The following C8orf34 variants were observed in gnomAD, a reference collection of about 807,000 sequenced individuals.
C8orf34 encodes chromosome 8 open reading frame 34, also known as uncharacterized protein C8orf34.
In C8orf34, 65 loss-of-function variants were observed where a neutral mutation model predicts 68.3. The ratio of observed to expected loss-of-function variants is 0.95; its 90% confidence interval spans 0.78 to 1.17. C8orf34 has a LOEUF of 1.17. Ranked by LOEUF, C8orf34 falls within the 50% of genes most tolerant of loss-of-function variation. The pLI is 0.00. For synonymous variants in C8orf34, 244 were observed against 241.2 expected, an observed-to-expected ratio of 1.01 and a Z score of -0.11; for missense variants, 664 against 655.4, an observed-to-expected ratio of 1.01 and a Z score of -0.14.
At chr8:68,551,616 G>T (rs558685956) in intron 7 of C8orf34, among the ~76,000 whole-genome samples, 2 of 152,040 alleles carry the variant, frequency 1.3e-5, no homozygotes, top group Non-Finnish European at 2.9e-5. Flanking sequence ...TTCCTGATAG[G>T]CAGACATGAT....
chr8:68,709,093 C>T lies in C8orf34; in HGVS notation c.1327+14C>T. ...CAGATTCATTCGGTAAGTTTTAAGT[C>T]CAACAATATTTATTGCAGTTCTAGT... On this transcript the variant is annotated intron_variant, in intron 9 of 13. Transcript: ENST00000518698. The T allele has an allele frequency of 2.5e-6, 4 of 1,590,146 alleles. No homozygotes were observed. The highest frequency in any genetic ancestry group is 2.6e-6 in the Non-Finnish European group (3 of 1,159,746).
At chr8:68,397,928 C>T (rs1325372697) in intron 1 of C8orf34, among the ~76,000 whole-genome samples, 1 of 151,860 alleles carries the variant, frequency 6.6e-6, no homozygotes, top group African/African-American at 2.4e-5. Flanking sequence ...ACCAACACAC[C>T]CAGCCAATTT....
At chr8:68,751,930 A>G (rs1822720381) in intron 10 of C8orf34, among the ~76,000 whole-genome samples, 1 of 151,950 alleles carries the variant, frequency 6.6e-6, no homozygotes. Context: ...AAGTTCATCT[A>G]TATATACATA....
chr8:68,818,813 G>A lies in C8orf34; in HGVS notation c.*567G>A, dbSNP rs1403072098. ...TTATTTTCTCTATTCCTATTAAAAT[G>A]AATAATTGATATGTTAATTAAGTAA... On this transcript the variant is annotated 3_prime_UTR_variant, in exon 14 of 14. Transcript: ENST00000518698. 2 of 152,024 alleles carry A rather than the reference G, an allele frequency of 1.3e-5. No homozygotes were observed. Among genetic ancestry groups the A allele is most frequent in the African/African-American group, 4.8e-5 (2 of 41,372 alleles). 9.4% of individuals were successfully genotyped at this position (152,024 alleles called of 1,614,324 possible).
chr8:68,364,943 C>A (rs1049090673), intron 1 of C8orf34, among the ~76,000 whole-genome samples: 1 of 151,154 alleles, frequency 6.6e-6, no homozygotes, highest in African/African-American at 2.4e-5. Context: ...TTCAAAAAAT[C>A]AATGAATCCA....
intron 7 of C8orf34, among the ~76,000 whole-genome samples, chr8:68,594,429 T>A (rs6981539): frequency 0.13 from 20,085 of 152,034 alleles, 1,787 homozygotes; most frequent in African/African-American, 0.25. Context: ...GTCTTTTATC[T>A]AAAAAATATG....
chr8:68,511,261 T>C (rs1814262822), intron 5 of C8orf34, among the ~76,000 whole-genome samples: 1 of 152,174 alleles, frequency 6.6e-6, no homozygotes, highest in Non-Finnish European at 1.5e-5. Context: ...GATGGAGCAA[T>C]GGTGAGAGCA....
intron 5 of C8orf34, among the ~76,000 whole-genome samples, chr8:68,498,283 G>A (rs1348321058): frequency 4.6e-5 from 7 of 152,228 alleles, no homozygotes; most frequent in Non-Finnish European, 1.0e-4. Context: ...GAAAGGTAAA[G>A]AGAGGAGAAG....
At position 68,544,406 on chromosome 8, in the gene C8orf34, G is replaced by A. The variant is rs1053079563; in HGVS notation, c.1105+11257G>A. 2.0e-5 allele frequency among the ~76,000 whole-genome samples: 3 copies of A among 152,262 alleles called. No individual in the cohort carries two copies. In the East Asian group the frequency reaches 5.8e-4, roughly 29 times the overall value. On this transcript the variant is annotated intron_variant, in intron 7 of 13. Coordinates refer to ENST00000518698, the MANE Select transcript of C8orf34 (RefSeq NM_052958.4). ...ACAGCCATGCCTAAGAATGAGGAAA[G>A]CGTTTAAATAGACCCAACTAAACCC...
At chr8:68,474,521 T>C (rs1812517938) in intron 4 of C8orf34, among the ~76,000 whole-genome samples, 1 of 152,266 alleles carries the variant, frequency 6.6e-6, no homozygotes, top group African/African-American at 2.4e-5. Flanking sequence ...TCCTGCCCTG[T>C]GTTAGAAAAA....
chr8:68,330,897 C>G, upstream of C8orf34: 1 of 885,410 alleles, frequency 1.1e-6, no homozygotes. Context: ...GCCTCCCGCC[C>G]CCTGATTCCT....
At chr8:68,395,896 C>T (rs913997601) in intron 1 of C8orf34, among the ~76,000 whole-genome samples, 3 of 151,948 alleles carry the variant, frequency 2.0e-5, no homozygotes, top group Non-Finnish European at 4.4e-5. Flanking sequence ...ACCTATAGAA[C>T]CTGAAGGCAG....
intron 8 of C8orf34, among the ~76,000 whole-genome samples, chr8:68,677,180 T>C (rs893671717): frequency 6.6e-6 from 1 of 151,966 alleles, no homozygotes; most frequent in Non-Finnish European, 1.5e-5. Context: ...GACTGACCAG[T>C]GGGTCAATAA....
Position 68,764,671 on chromosome 8 carries a change from A to T in C8orf34, c.1405-11728A>T, listed in dbSNP as rs185994363. 2.6e-3 allele frequency among the ~76,000 whole-genome samples: 396 copies of T among 152,250 alleles called. 1 individual carries two copies. Among genetic ancestry groups the T allele is most frequent in the African/African-American group, 8.3e-3 (345 of 41,546 alleles). ...AATGCCAAAGGTTGAGGGGAAGGAG[A>T]CAAAGAGACAGAAGAGACACTGCCT... On this transcript the variant is annotated intron_variant, in intron 10 of 13. Transcript: ENST00000518698.
At chr8:68,771,699 T>C (rs67603164) in intron 10 of C8orf34, among the ~76,000 whole-genome samples, 44,315 of 151,766 alleles carry the variant, frequency 0.29, 6,868 homozygotes, top group African/African-American at 0.38. Context: ...GCACTATTCT[T>C]TCCACTTCGT....
At chr8:68,383,961 C>T (rs1808149784) in intron 1 of C8orf34, among the ~76,000 whole-genome samples, 1 of 152,164 alleles carries the variant, frequency 6.6e-6, no homozygotes. Context: ...AAGAAACATA[C>T]AGGATTTTGG....
chr8:68,486,598 C>T (rs983385783), intron 4 of C8orf34, among the ~76,000 whole-genome samples: 7 of 152,086 alleles, frequency 4.6e-5, no homozygotes, highest in Admixed American at 6.5e-5. Flanking sequence ...TGAAGTTGTG[C>T]GTACTTTTTC....
chr8:68,749,889 G>T (rs1381161179), intron 10 of C8orf34, among the ~76,000 whole-genome samples: 1 of 152,096 alleles, frequency 6.6e-6, no homozygotes, highest in Non-Finnish European at 1.5e-5. Context: ...TGGACATTTG[G>T]ATTGTTTTTA....
intron 7 of C8orf34, among the ~76,000 whole-genome samples, chr8:68,606,495 GCTTT>G (rs933755946): frequency 2.0e-5 from 3 of 152,026 alleles, no homozygotes; most frequent in African/African-American, 4.8e-5. Context: ...CTACTAATTG[GCTTT>G]CTAATAATCA....
Sources: gnomAD v4.1 joint callset for allele counts (sites outside exome capture counted in the v4.1 genomes callset) on GRCh38, gnomAD v4.1.1 for gene constraint, MANE v1.5 for transcripts, NCBI Gene and HGNC (gene_info 2026-07-23, HGNC 2026-07-21) for gene names.